Variants in NAV2 observed in about 807,000 individuals in gnomAD.
The protein encoded by NAV2 is helicase, APC down-regulated 1.
In NAV2, 54 loss-of-function variants were observed where a neutral mutation model predicts 223.2. The observed-to-expected ratio is 0.24, with a 90% confidence interval of 0.19 to 0.30. The LOEUF is 0.30. Among genes scored for constraint, NAV2 ranks in the 10% least tolerant of loss-of-function variants. NAV2 has a pLI of 1.00. For synonymous variants in NAV2, 1,279 were observed against 1,239.3 expected (o/e 1.03, Z -0.67); for missense variants, 2,806 against 3,147.5 (o/e 0.89, Z 2.60).
intron 1 of NAV2, among the ~76,000 whole-genome samples, chr11:19,687,784 CGT>C (rs10523150): frequency 8.6e-5 from 13 of 150,684 alleles, no homozygotes; most frequent in South Asian, 4.2e-4. Context: ...TGTATGCATG[CGT>C]GTGTGTGTGT....
At chr11:19,496,825 A>G (rs1350431215) in intron 1 of NAV2, among the ~76,000 whole-genome samples, 1 of 151,442 alleles carries the variant, frequency 6.6e-6, no homozygotes, top group Admixed American at 6.6e-5. Context: ...ACTAAAAAAC[A>G]AAAAACAAAA....
Position 20,118,337 on chromosome 11 carries a change from T to C in NAV2, c.*79T>C. ...TCCCCCACATCACCCTGAAGATGACTTCCTGAGCCAGCCCCCAGCCACAGC... is the reference window on the plus strand; with the variant it reads ...TCCCCCACATCACCCTGAAGATGACCTCCTGAGCCAGCCCCCAGCCACAGC... On this transcript the variant is annotated 3_prime_UTR_variant, in exon 38 of 38. Coordinates refer to ENST00000349880, the MANE Select transcript of NAV2 (RefSeq NM_145117.5). The C allele has an allele frequency of 6.6e-7, 1 of 1,514,864 alleles. No homozygotes were observed. The highest frequency in any genetic ancestry group is 1.4e-5 in the African/African-American group (1 of 72,876). The allele number at this position is 1,514,864 out of a possible 1,614,324, so 93.8% of individuals were successfully genotyped here.
chr11:19,512,065 G>C (rs1485971909), intron 1 of NAV2, among the ~76,000 whole-genome samples: 1 of 152,164 alleles, frequency 6.6e-6, no homozygotes, highest in East Asian at 1.9e-4. Flanking sequence ...CTTTGACATT[G>C]CTTTGCATGG....
chr11:19,382,391 A>G (rs1848875359), intron 1 of NAV2, among the ~76,000 whole-genome samples: 1 of 152,188 alleles, frequency 6.6e-6, no homozygotes, highest in Non-Finnish European at 1.5e-5. Flanking sequence ...GCACGGGGTG[A>G]GACAATTGTG....
chr11:19,361,206 G>A (rs1241324908), intron 1 of NAV2, among the ~76,000 whole-genome samples: 2 of 99,346 alleles, frequency 2.0e-5, no homozygotes, highest in East Asian at 1.0e-3. Flanking sequence ...TGTTGGTGCT[G>A]ACTAAAAGTG....
intron 3 of NAV2, among the ~76,000 whole-genome samples, chr11:19,852,225 C>T (rs2152980102): frequency 6.6e-6 from 1 of 152,350 alleles, no homozygotes; most frequent in South Asian, 2.1e-4. Context: ...GAAACTAATA[C>T]ACTCTGGGAT....
At chr11:20,043,061 T>A (rs543963620) in intron 12 of NAV2, among the ~76,000 whole-genome samples, 118 of 152,290 alleles carry the variant, frequency 7.7e-4, no homozygotes, top group African/African-American at 2.6e-3. Flanking sequence ...ATATAAATAA[T>A]GCTGGGGTCG....
upstream of NAV2, among the ~76,000 whole-genome samples, chr11:19,710,492 T>C (rs1465576285): frequency 2.0e-5 from 3 of 152,254 alleles, no homozygotes; most frequent in Non-Finnish European, 4.4e-5. Context: ...TTAGTATGCA[T>C]CATAATCACT....
Position 19,655,034 on chromosome 11 carries a change from C to T in NAV2, c.76-177450C>T, listed in dbSNP as rs145625964. ...ATCCAGAATCTACAATGAACTCCAA[C>T]AAATTTACCACAAAAAAACAAACAA... On this transcript the variant is annotated intron_variant, in intron 1 of 37. Transcript: ENST00000360655. 6.3e-3 allele frequency among the ~76,000 whole-genome samples: 953 copies of T among 152,230 alleles called. 5 individuals carry two copies. The highest frequency in any genetic ancestry group is 8.1e-3 in the Non-Finnish European group (552 of 68,014).
At chr11:19,777,098 C>G (rs1268980592) in intron 1 of NAV2, among the ~76,000 whole-genome samples, 2 of 150,812 alleles carry the variant, frequency 1.3e-5, no homozygotes, top group Admixed American at 6.6e-5. Context: ...CGCCGACCCC[C>G]CCCCCCACCC....
chr11:19,659,547 G>A (rs972329333), intron 1 of NAV2, among the ~76,000 whole-genome samples: 2 of 152,172 alleles, frequency 1.3e-5, no homozygotes, highest in Non-Finnish European at 2.9e-5. Context: ...TAGGGAAATA[G>A]CAGGAATTCA....
At chr11:20,101,762 T>C (rs1299390187) in intron 32 of NAV2, among the ~76,000 whole-genome samples, 2 of 152,166 alleles carry the variant, frequency 1.3e-5, no homozygotes, top group Non-Finnish European at 2.9e-5. Context: ...GATTGGCTCC[T>C]GCTTCACGGT....
chr11:19,970,555 T>A lies in NAV2; in HGVS notation c.2646-13570T>A, dbSNP rs895572321. On this transcript the variant is annotated intron_variant, in intron 10 of 37. Transcript: ENST00000349880. ...ATCTCGAGAGTTGAAGGCACAGTTATAGGGACTGGGGATTTTGAAGCAAAA... is the reference window on the plus strand; with the variant it reads ...ATCTCGAGAGTTGAAGGCACAGTTAAAGGGACTGGGGATTTTGAAGCAAAA... Among the ~76,000 whole-genome samples, 5 of 152,198 alleles carry A rather than the reference T, an allele frequency of 3.3e-5. No homozygotes were observed. In the East Asian group the frequency reaches 9.6e-4, roughly 29 times the overall value.
intron 1 of NAV2, among the ~76,000 whole-genome samples, chr11:19,465,256 C>T (rs1182937038): frequency 6.6e-6 from 1 of 152,178 alleles, no homozygotes; most frequent in African/African-American, 2.4e-5. Context: ...TGCTCCTGAT[C>T]CGCCAAAGAA....
At chr11:19,624,409 C>T (rs1039084161) in intron 1 of NAV2, among the ~76,000 whole-genome samples, 4 of 152,174 alleles carry the variant, frequency 2.6e-5, no homozygotes, top group Admixed American at 2.6e-4. Flanking sequence ...CTGCTCAGTT[C>T]GAGCTTCCTG....
At chr11:20,022,823 T>C (rs1393468412) in intron 11 of NAV2, 9 of 1,267,830 alleles carry the variant, frequency 7.1e-6, no homozygotes, top group Non-Finnish European at 8.9e-6. Flanking sequence ...TGGTGTTAGC[T>C]TTTGCTTTGC....
In NAV2 at chr11:20,028,159, G is replaced by A. The variant is rs116392583; in HGVS notation, c.2769-7800G>A. Reference sequence around the variant, plus strand: ...CTCACAACAGTGGAGCAAAATAGATGTGTGAAGCTGACATGATTTATGCTT... The same window carrying A: ...CTCACAACAGTGGAGCAAAATAGATATGTGAAGCTGACATGATTTATGCTT... On this transcript the variant is annotated intron_variant, in intron 11 of 37. Transcript: ENST00000349880. 3.6e-3 allele frequency among the ~76,000 whole-genome samples: 551 copies of A among 152,328 alleles called. 3 individuals are homozygous for A. Among genetic ancestry groups the A allele is most frequent in the African/African-American group, 0.013 (540 of 41,578 alleles).
intron 1 of NAV2, among the ~76,000 whole-genome samples, chr11:19,608,343 G>GCTGAAGCCCAGCAGATGCCA (rs1424702339): frequency 6.6e-6 from 1 of 152,252 alleles, no homozygotes; most frequent in Non-Finnish European, 1.5e-5. Flanking sequence ...CCAGATGCCA[G>GCTGAAGCCCAGCAGATGCCA]CTGAAGCCCA....
chr11:19,946,289 C>G (rs907159189), intron 8 of NAV2, 112 bp from the exon 9 acceptor site: 7 of 867,676 alleles, frequency 8.1e-6, no homozygotes, highest in Non-Finnish European at 1.2e-5. Context: ...GCACCCACAG[C>G]AAGGCACGTG....
Sources: gnomAD v4.1 joint callset for allele counts (sites outside exome capture counted in the v4.1 genomes callset) on GRCh38, gnomAD v4.1.1 for gene constraint, MANE v1.5 for transcripts, NCBI Gene and HGNC (gene_info 2026-07-23, HGNC 2026-07-21) for gene names.